Variants in PROX1 observed in about 807,000 individuals in gnomAD.
PROX1 encodes prospero homeobox protein 1.
In PROX1, 7 loss-of-function variants were observed where a neutral mutation model predicts 58.8. The observed-to-expected ratio is 0.12, with a 90% confidence interval of 0.07 to 0.22. PROX1 has a LOEUF of 0.22. Ranked by LOEUF, PROX1 falls within the 10% of genes least tolerant of loss-of-function variation. The probability of loss-of-function intolerance (pLI) is 1.00; values close to 1 mark genes in which losing one functional copy is unlikely to be tolerated. For synonymous variants in PROX1, 350 were observed against 358.3 expected (o/e 0.98, Z 0.26); for missense variants, 675 against 927.8 (o/e 0.73, Z 3.54).
intron 4 of PROX1, chr1:214,029,848 A>C (rs745589987): frequency 1.3e-5 from 2 of 152,304 alleles, no homozygotes; most frequent in Non-Finnish European, 1.5e-5. Context: ...GATTTTGTGA[A>C]TCGGAGTTGT....
At chr1:213,994,299 C>T (rs1045852397) in intron 1 of PROX1, among the ~76,000 whole-genome samples, 2 of 152,092 alleles carry the variant, frequency 1.3e-5, no homozygotes, top group African/African-American at 4.8e-5. Flanking sequence ...ATTGGAGATC[C>T]ATGTGCTTTG....
rs377064485 is a variant in PROX1, at chr1:214,037,093, C to T, written c.*1259C>T. On this transcript the variant is annotated 3_prime_UTR_variant, in exon 5 of 5. Transcript: ENST00000366958. ...TAACCCAAAAGACACAATTCCAGCACACATAAGAAAGCTAGCTGCTATTTT... is the reference window on the plus strand; with the variant it reads ...TAACCCAAAAGACACAATTCCAGCATACATAAGAAAGCTAGCTGCTATTTT... The T allele has an allele frequency of 4.6e-5, 7 of 152,364 alleles. 1 individual carries two copies. The highest frequency in any genetic ancestry group is 1.7e-4 in the African/African-American group (7 of 41,590). The allele number at this position is 152,364 out of a possible 1,614,324, so 9.4% of individuals were successfully genotyped here.
rs1202583847 is a variant in PROX1 at position 214,036,136 on chromosome 1, A to G, written c.*302A>G. The G allele has an allele frequency of 5.0e-6, 1 of 199,876 alleles. No homozygotes were observed. The highest frequency in any genetic ancestry group is 1.5e-4 in the South Asian group (1 of 6,656). The allele number at this position is 199,876 out of a possible 1,614,324, so 12.4% of individuals were successfully genotyped here. ...TGTTGGCGTGTGTAAAGTCTCTATT[A>G]GCAATGAAGGGAATTTGTTAACGAT... On this transcript the variant is annotated 3_prime_UTR_variant, in exon 5 of 5. Coordinates refer to ENST00000366958, the MANE Select transcript of PROX1 (RefSeq NM_001270616.2).
At chr1:213,995,920 A>G (rs1362583578) in intron 1 of PROX1, among the ~76,000 whole-genome samples, 1 of 152,224 alleles carries the variant, frequency 6.6e-6, no homozygotes, top group African/African-American at 2.4e-5. Flanking sequence ...TACATATGAC[A>G]AAAATATTGT....
intron 4 of PROX1, among the ~76,000 whole-genome samples, chr1:214,020,513 TAA>T (rs1491114729): frequency 6.6e-6 from 1 of 152,216 alleles, no homozygotes; most frequent in East Asian, 1.9e-4. Flanking sequence ...TTTCTCTCTC[TAA>T]AGTTTTATTC....
chr1:213,998,527 G>GT (rs202035987), intron 2 of PROX1, among the ~76,000 whole-genome samples: 25 of 151,788 alleles, frequency 1.6e-4, no homozygotes, highest in Non-Finnish European at 2.8e-4. Flanking sequence ...TCTCAGCAGT[G>GT]TTTTTTTTCT....
At chr1:213,995,906 A>G (rs780422661) in intron 1 of PROX1, among the ~76,000 whole-genome samples, 2 of 152,206 alleles carry the variant, frequency 1.3e-5, no homozygotes, top group African/African-American at 2.4e-5. Flanking sequence ...TCTCCTTCCC[A>G]TTTTACATAT....
At chr1:213,998,316 G>A in intron 2 of PROX1, 56 bp downstream of exon 2, 1 of 1,507,334 alleles carries the variant, frequency 6.6e-7, no homozygotes. Flanking sequence ...TTTCCCAAAA[G>A]GTTGGGTTTA....
In PROX1 at chr1:213,988,102, TCTC is replaced by T. The variant is rs1348421854; in HGVS notation, c.-442_-440del. 3.3e-5 allele frequency: 4 copies of T among 120,640 alleles called. No individual in the cohort carries two copies. Among genetic ancestry groups the T allele is most frequent in the African/African-American group, 1.3e-4 (4 of 30,290 alleles). 7.5% of individuals were successfully genotyped at this position (120,640 alleles called of 1,614,324 possible). On this transcript the variant is annotated 5_prime_UTR_variant, in exon 1 of 5. Coordinates refer to ENST00000366958, the MANE Select transcript of PROX1 (RefSeq NM_001270616.2). Reference sequence around the variant, plus strand: ...TCTTCTCTTCTTTACCCTTCTCCTCTCTCCTCCTCTGCTGCTCTCTCCTCTCCT... The same window carrying T: ...TCTTCTCTTCTTTACCCTTCTCCTCTCTCCTCTGCTGCTCTCTCCTCTCCT...
At chr1:214,031,963 C>A (rs1302104673) in intron 4 of PROX1, among the ~76,000 whole-genome samples, 1 of 151,800 alleles carries the variant, frequency 6.6e-6, no homozygotes, top group Non-Finnish European at 1.5e-5. Context: ...TTACAACTTT[C>A]TTTTGTCCAG....
At chr1:214,007,330 G>T (rs1009260892) in intron 3 of PROX1, among the ~76,000 whole-genome samples, 1 of 152,172 alleles carries the variant, frequency 6.6e-6, no homozygotes, top group Non-Finnish European at 1.5e-5. Flanking sequence ...AAGTATATGT[G>T]AGTCTGGTTA....
chr1:214,015,422 A>G (rs1664058899), intron 4 of PROX1, among the ~76,000 whole-genome samples: 1 of 152,106 alleles, frequency 6.6e-6, no homozygotes, highest in Non-Finnish European at 1.5e-5. Flanking sequence ...AGGGCTTCCA[A>G]AAAAAATTTT....
intron 4 of PROX1, among the ~76,000 whole-genome samples, chr1:214,033,110 T>A (rs887577688): frequency 1.3e-5 from 2 of 152,154 alleles, no homozygotes; most frequent in African/African-American, 4.8e-5. Context: ...CCAGACCTCC[T>A]GTGCAGTTCT....
chr1:214,026,488 T>C (rs1664462367), intron 4 of PROX1, among the ~76,000 whole-genome samples: 1 of 152,230 alleles, frequency 6.6e-6, no homozygotes, highest in African/African-American at 2.4e-5. Context: ...TTACATAATT[T>C]AAAATGTATG....
chr1:214,022,622 C>T lies in PROX1; in HGVS notation c.2028+10907C>T, dbSNP rs115242829. Among the ~76,000 whole-genome samples the T allele has an allele frequency of 1.7e-3, 258 of 152,302 alleles. 1 individual carries two copies. The highest frequency in any genetic ancestry group is 4.3e-3 in the African/African-American group (178 of 41,570). ...TCATCCGTTCCAGATGAGAAGGACA[C>T]GATGAGATGCTGGGGGTGGTGGAAG... On this transcript the variant is annotated intron_variant, in intron 4 of 4. Coordinates refer to ENST00000366958, the MANE Select transcript of PROX1 (RefSeq NM_001270616.2).
Position 214,035,834 on chromosome 1 carries a change from G to T in PROX1, c.2214G>T (p.Ter738TyrextTer10). ...PNCLQELLHE[*>Y] ...GCCTACAAGAGCTGCTTCATGAGTAGAAATTTCAACAACTCTTTTTGAATG... is the reference window on the plus strand; with the variant it reads ...GCCTACAAGAGCTGCTTCATGAGTATAAATTTCAACAACTCTTTTTGAATG... The change falls in exon 5 of 5, where the codon TAG becomes TAT. Residue 738 changes from the stop codon to tyrosine, a stop_lost. Transcript: ENST00000366958. 1 of 1,605,528 alleles carries T rather than the reference G, an allele frequency of 6.2e-7. No individual in the cohort carries two copies. The highest frequency in any genetic ancestry group is 8.5e-7 in the Non-Finnish European group (1 of 1,176,010).
intron 4 of PROX1, among the ~76,000 whole-genome samples, chr1:214,018,502 T>G (rs927114890): frequency 4.6e-5 from 7 of 152,154 alleles, no homozygotes; most frequent in Non-Finnish European, 1.0e-4. Flanking sequence ...AGATACAAAA[T>G]AAAGATGCAG....
chr1:213,996,744 T>A lies in PROX1; in HGVS notation c.209T>A (p.Leu70His), dbSNP rs1218515526. 6.2e-7 allele frequency: 1 copy of A among 1,614,156 alleles called. No individual in the cohort carries two copies. Among genetic ancestry groups the A allele is most frequent in the African/African-American group, 1.3e-5 (1 of 75,036 alleles). ...QHADGEKSNVLRKLLKRANSY... is the reference protein window; with the variant it reads ...QHADGEKSNVHRKLLKRANSY... The stretch of plus-strand genomic sequence containing the variant: ...GCAGATGGGGAAAAGTCAAATGTAC[T>A]CCGCAAGCTGCTGAAGAGGGCGAAC... Residue 70 changes from leucine (L) to histidine (H), a missense_variant, in exon 2 of 5, where the codon CTC becomes CAC. Physicochemically the swap from Leu to His is moderately conservative, Grantham distance 99 (BLOSUM62 -3). Transcript: ENST00000366958.
In PROX1 at chr1:213,998,151, C is replaced by T; in HGVS notation, c.1616C>T (p.Ser539Leu). The T allele has an allele frequency of 6.2e-7, 1 of 1,614,248 alleles. No homozygotes were observed. Among genetic ancestry groups the T allele is most frequent in the Non-Finnish European group, 8.5e-7 (1 of 1,180,036 alleles). Residue 539 changes from serine to leucine, a missense_variant, in exon 2 of 5, where the codon TCA becomes TTA. This residue lies in a region of PROX1 where 403 missense variants were observed against 477.4 expected (regional missense o/e 0.84). Coordinates refer to ENST00000366958, the MANE Select transcript of PROX1 (RefSeq NM_001270616.2). ...SSHHLSHHPC[S>L]PAHPPSTAEG... ...CACCACCTGAGCCACCACCCTTGTT[C>T]ACCAGCACACCCGCCCAGCACCGCC...
Sources: allele counts gnomAD v4.1 joint callset (sites outside exome capture counted in the v4.1 genomes callset), GRCh38; gene constraint gnomAD v4.1.1; regional missense constraint gnomAD v4.1.1; transcripts MANE v1.5; gene names NCBI Gene and HGNC (gene_info 2026-07-23, HGNC 2026-07-21).